NHSL1: variants seen among roughly 807,000 people sequenced by gnomAD.
The protein encoded by NHSL1 is NHS-like protein 1.
A neutral mutation model predicts 95.0 loss-of-function variants in NHSL1; 48 were observed. That is an observed-to-expected ratio of 0.51 (90% CI 0.40 to 0.64). The LOEUF (loss-of-function observed/expected upper bound fraction) is 0.64. Among genes scored for constraint, NHSL1 ranks in the 30% least tolerant of loss-of-function variants. NHSL1 has a pLI of 0.00. For missense variants in NHSL1, 1,971 were observed against 2,077.7 expected (o/e 0.95, Z 1.00); for synonymous variants, 783 against 833.9 (o/e 0.94, Z 1.05).
rs1562255488 is a variant in NHSL1, at chr6:138,430,041, T to TA, written c.3953-199dup. 6.6e-6 allele frequency among the ~76,000 whole-genome samples: 1 copy of TA among 152,176 alleles called. No individual in the cohort carries two copies. The highest frequency in any genetic ancestry group is 1.5e-5 in the Non-Finnish European group (1 of 68,022). The stretch of plus-strand genomic sequence containing the variant: ...CTGAGAGCCAGAGCTCATTCTTTGT[T>TA]AAAGTATGGAACGCCCATGGCATCT... On this transcript the variant is annotated intron_variant, in intron 6 of 7. Coordinates refer to ENST00000343505, the MANE Select transcript of NHSL1 (RefSeq NM_001144060.2). This position sits in a 1 kb window ranked among gnomAD's most constrained non-coding sequence, Gnocchi z 4.7.
chr6:138,557,069 G>T (rs956245351), intron 1 of NHSL1, among the ~76,000 whole-genome samples: 1 of 152,184 alleles, frequency 6.6e-6, no homozygotes, highest in African/African-American at 2.4e-5. Context: ...TGAAAACTCG[G>T]AGTGATTTTT....
At chr6:138,503,608 T>C (rs1457133607), upstream of NHSL1, among the ~76,000 whole-genome samples, 4 of 152,168 alleles carry the variant, frequency 2.6e-5, no homozygotes, top group Non-Finnish European at 4.4e-5. Flanking sequence ...GTTGAGCGGC[T>C]ACGACTAAGA....
chr6:138,428,918 T>C (rs1053642989), intron 7 of NHSL1, among the ~76,000 whole-genome samples: 3 of 152,240 alleles, frequency 2.0e-5, no homozygotes, highest in African/African-American at 7.2e-5. Flanking sequence ...TATACAGCAT[T>C]ACGGCTTAAC....
chr6:138,648,132 A>G (rs1785043714), intron 1 of NHSL1, among the ~76,000 whole-genome samples: 1 of 152,170 alleles, frequency 6.6e-6, no homozygotes, highest in South Asian at 2.1e-4. Flanking sequence ...CTGATTAGCA[A>G]AATATATATT....
chr6:138,489,853 G>GGAGAGAGAGA (rs1202082058), intron 2 of NHSL1, among the ~76,000 whole-genome samples: 1 of 36,964 alleles, frequency 2.7e-5, no homozygotes, highest in Non-Finnish European at 4.8e-5. Flanking sequence ...AGGGAGAGAG[G>GGAGAGAGAGA]GAGAGAGAGA....
At chr6:138,501,433 G>A (rs927663046), upstream of NHSL1, among the ~76,000 whole-genome samples, 14 of 152,256 alleles carry the variant, frequency 9.2e-5, no homozygotes, top group South Asian at 2.1e-4. Flanking sequence ...ACATAAAAGG[G>A]GGTTTGAGGG....
intron 1 of NHSL1, among the ~76,000 whole-genome samples, chr6:138,685,233 A>C (rs924342687): frequency 6.6e-6 from 1 of 152,212 alleles, no homozygotes; most frequent in Non-Finnish European, 1.5e-5. Flanking sequence ...TTCAACCTAA[A>C]TGTAGGTAGC....
intron 3 of NHSL1, among the ~76,000 whole-genome samples, chr6:138,466,060 A>C (rs1778358870): frequency 9.2e-6 from 1 of 108,516 alleles, no homozygotes; most frequent in Non-Finnish European, 1.9e-5. Context: ...GGCAGGGGGG[A>C]ACAGAGTCTT....
intron 1 of NHSL1, among the ~76,000 whole-genome samples, chr6:138,535,274 T>C (rs1020810919): frequency 1.6e-4 from 25 of 152,140 alleles, no homozygotes; most frequent in African/African-American, 6.0e-4. Context: ...GAAAAAAAAG[T>C]AGTTGTTGGC....
chr6:138,564,160 A>G (rs891170961), intron 1 of NHSL1, among the ~76,000 whole-genome samples: 7 of 152,166 alleles, frequency 4.6e-5, no homozygotes, highest in African/African-American at 1.7e-4. Flanking sequence ...TGTTTCCACA[A>G]ACAGAACCCT....
At chr6:138,584,453 CG>C (rs1316853849) in intron 1 of NHSL1, among the ~76,000 whole-genome samples, 1 of 152,170 alleles carries the variant, frequency 6.6e-6, no homozygotes, top group Non-Finnish European at 1.5e-5. Context: ...CCAACTCTCC[CG>C]ACAGTCATCA....
chr6:138,648,070 G>C (rs1349238731), intron 1 of NHSL1, among the ~76,000 whole-genome samples: 1 of 152,050 alleles, frequency 6.6e-6, no homozygotes, highest in Non-Finnish European at 1.5e-5. Flanking sequence ...CCCTCTTGGT[G>C]TAACTATATT....
intron 1 of NHSL1, among the ~76,000 whole-genome samples, chr6:138,540,889 C>T (rs1782553413): frequency 7.2e-5 from 11 of 152,158 alleles, no homozygotes; most frequent in Admixed American, 7.2e-4. Flanking sequence ...TTGGAAGACA[C>T]ATAAAGGCTG....
intron 1 of NHSL1, among the ~76,000 whole-genome samples, chr6:138,598,130 T>C (rs1461568628): frequency 2.0e-5 from 3 of 151,456 alleles, no homozygotes; most frequent in South Asian, 2.1e-4. Context: ...CTACAAATAA[T>C]TGTAGAGATA....
In NHSL1 at chr6:138,689,008, G is replaced by A. The variant is rs370339512; in HGVS notation, c.96+3468C>T. Among the ~76,000 whole-genome samples the A allele has an allele frequency of 2.0e-3, 299 of 152,158 alleles. 1 individual carries two copies. Among genetic ancestry groups the A allele is most frequent in the African/African-American group, 6.9e-3 (287 of 41,496 alleles). ...TTAGTACTGTATTTTTAGTAGGGAC[G>A]GGGTTTCAACATATTGGCCAGGCTA... On this transcript the variant is annotated intron_variant, in intron 1 of 3. Transcript: ENST00000491526.
At chr6:138,437,377 TATATATATACAC>T (rs1562270493) in intron 5 of NHSL1, among the ~76,000 whole-genome samples, 51 of 28,358 alleles carry the variant, frequency 1.8e-3, no homozygotes, top group African/African-American at 6.5e-3. Flanking sequence ...TATATACACA[TATATATATACAC>T]ATATATATAT....
chr6:138,612,775 C>A (rs578171801), intron 1 of NHSL1, among the ~76,000 whole-genome samples: 1 of 152,136 alleles, frequency 6.6e-6, no homozygotes, highest in Non-Finnish European at 1.5e-5. Flanking sequence ...AAAAATCTAT[C>A]TTCCTTTTAC....
intron 1 of NHSL1, among the ~76,000 whole-genome samples, chr6:138,684,011 G>A (rs886145914): frequency 3.3e-5 from 5 of 152,054 alleles, no homozygotes; most frequent in African/African-American, 9.7e-5. Context: ...AGCAGTTTGA[G>A]ACCAGCCTGG....
intron 1 of NHSL1, among the ~76,000 whole-genome samples, chr6:138,552,922 T>C (rs369252165): frequency 5.9e-5 from 9 of 152,252 alleles, no homozygotes; most frequent in African/African-American, 1.9e-4. Context: ...ATAGTGCCTA[T>C]GGCTGAGATG....
Sources: allele counts gnomAD v4.1 joint callset (sites outside exome capture counted in the v4.1 genomes callset), GRCh38; gene constraint gnomAD v4.1.1; non-coding constraint Gnocchi (gnomAD v3.1); transcripts MANE v1.5; gene names NCBI Gene and HGNC (gene_info 2026-07-23, HGNC 2026-07-21).